Variants in SLC4A4 observed in about 807,000 individuals in gnomAD.
SLC4A4 encodes the protein electrogenic sodium bicarbonate cotransporter 1.
Under a neutral mutation model 111.5 loss-of-function variants are expected in SLC4A4, and 27 were observed. That is an observed-to-expected ratio of 0.24 (90% CI 0.18 to 0.33). The LOEUF (loss-of-function observed/expected upper bound fraction) is 0.33. Among genes scored for constraint, SLC4A4 ranks in the 10% least tolerant of loss-of-function variants. The pLI is 1.00. For missense variants in SLC4A4, 909 were observed against 1,315.5 expected, an observed-to-expected ratio of 0.69 and a Z score of 4.78; for synonymous variants, 443 against 463.4, an observed-to-expected ratio of 0.96 and a Z score of 0.57.
upstream of SLC4A4, among the ~76,000 whole-genome samples, chr4:71,185,600 C>T (rs530470759): frequency 2.0e-5 from 3 of 152,150 alleles, no homozygotes; most frequent in Non-Finnish European, 4.4e-5. Flanking sequence ...GGCGTGTTTC[C>T]TTGTGCCTTC....
intron 5 of SLC4A4, among the ~76,000 whole-genome samples, chr4:71,351,258 C>T (rs57393322): frequency 6.6e-6 from 1 of 152,218 alleles, no homozygotes; most frequent in Non-Finnish European, 1.5e-5. Context: ...CTGTCCCACC[C>T]AGCCTTTCTT....
At chr4:71,119,745 T>C (rs1743365145) in intron 2 of SLC4A4, among the ~76,000 whole-genome samples, 2 of 152,186 alleles carry the variant, frequency 1.3e-5, no homozygotes, top group South Asian at 4.1e-4. Flanking sequence ...TCTTTCTCTT[T>C]TTTCTCCTTA....
chr4:71,404,933 C>T (rs1720705954), intron 7 of SLC4A4, among the ~76,000 whole-genome samples: 1 of 151,796 alleles, frequency 6.6e-6, no homozygotes, highest in South Asian at 2.1e-4. Context: ...ATAGTGGGGA[C>T]TACAGGTGCA....
At chr4:71,375,280 C>T (rs1370396669) in intron 6 of SLC4A4, among the ~76,000 whole-genome samples, 1 of 152,176 alleles carries the variant, frequency 6.6e-6, no homozygotes, top group African/African-American at 2.4e-5. Context: ...CCTCCAAATG[C>T]TTGAGTCTGG....
In SLC4A4 at chr4:71,384,642, CAAAAA is replaced by C. The variant is rs773419796; in HGVS notation, c.731-12919_731-12915del. 9.8e-5 allele frequency among the ~76,000 whole-genome samples: 6 copies of C among 61,450 alleles called. No homozygotes were observed. The East Asian group carries it at 1.2e-3, about 12-fold the overall frequency. The allele number at this position is 61,450 out of a possible 152,430, so 40.3% of individuals were successfully genotyped here. ...CACAGCAAGACTCCGTCCCTCCCACCAAAAAAAAAAAAAAAAAAAATTACCTCATT... is the reference window on the plus strand; with the variant it reads ...CACAGCAAGACTCCGTCCCTCCCACCAAAAAAAAAAAAAAATTACCTCATT... On this transcript the variant is annotated intron_variant, in intron 6 of 25. Coordinates refer to ENST00000264485, the MANE Select transcript of SLC4A4 (RefSeq NM_001098484.3).
chr4:71,427,793 G>A (rs1000883829), intron 7 of SLC4A4, among the ~76,000 whole-genome samples: 1 of 152,082 alleles, frequency 6.6e-6, no homozygotes, highest in African/African-American at 2.4e-5. Flanking sequence ...AAGTGCATAG[G>A]CTTACAACCA....
At chr4:71,173,607 C>T (rs777499170) in intron 2 of SLC4A4, among the ~76,000 whole-genome samples, 4 of 152,106 alleles carry the variant, frequency 2.6e-5, no homozygotes, top group Admixed American at 6.5e-5. Flanking sequence ...AGTCTCCTGA[C>T]CTCGTGATCT....
chr4:71,533,301 T>C (rs982168995), intron 17 of SLC4A4, among the ~76,000 whole-genome samples: 5 of 152,124 alleles, frequency 3.3e-5, no homozygotes, highest in Admixed American at 3.3e-4. Context: ...AATGCATTGA[T>C]GAGTAAGACA....
At chr4:71,306,857 C>T (rs1490103008) in intron 3 of SLC4A4, among the ~76,000 whole-genome samples, 2 of 152,122 alleles carry the variant, frequency 1.3e-5, no homozygotes, top group Admixed American at 6.5e-5. Flanking sequence ...GCTTTTTCTT[C>T]GCCTGCTCTT....
rs562149295 is a variant in SLC4A4 at position 71,435,410 on chromosome 4, A to T, written c.808-5206A>T. On this transcript the variant is annotated intron_variant, in intron 7 of 25. Coordinates refer to ENST00000264485, the MANE Select transcript of SLC4A4 (RefSeq NM_001098484.3). ...TTACACCTTATACAAAAATTAAATC[A>T]AGATGGATTAGAGACTTAAATGTAA... Among the ~76,000 whole-genome samples, 7 of 152,376 alleles carry T rather than the reference A, an allele frequency of 4.6e-5. No individual in the cohort carries two copies. The East Asian group carries it at 1.3e-3, about 29-fold the overall frequency.
chr4:71,532,390 A>T (rs1192805074), intron 17 of SLC4A4, among the ~76,000 whole-genome samples: 2 of 152,164 alleles, frequency 1.3e-5, no homozygotes, highest in African/African-American at 2.4e-5. Flanking sequence ...ACAACTGATA[A>T]TACTATTATA....
chr4:71,083,325 C>T (rs1742046498), intron 1 of SLC4A4, among the ~76,000 whole-genome samples: 1 of 150,884 alleles, frequency 6.6e-6, no homozygotes, highest in Non-Finnish European at 1.5e-5. Context: ...CATGTTCATA[C>T]ATTAGATGTA....
intron 7 of SLC4A4, among the ~76,000 whole-genome samples, chr4:71,430,239 T>C (rs1409760107): frequency 1.3e-5 from 2 of 152,108 alleles, no homozygotes; most frequent in East Asian, 1.9e-4. Flanking sequence ...GGGTGTCTGT[T>C]TTCTACAGTG....
At chr4:71,467,220 C>A (rs1249868961) in intron 13 of SLC4A4, among the ~76,000 whole-genome samples, 1 of 151,978 alleles carries the variant, frequency 6.6e-6, no homozygotes, top group Admixed American at 6.6e-5. Context: ...AGAATGCCTT[C>A]TATTTCCTGC....
rs567679906 is a variant in SLC4A4, at chr4:71,358,511, T to G, written c.730+1324T>G. 2.0e-5 allele frequency among the ~76,000 whole-genome samples: 3 copies of G among 152,308 alleles called. No homozygotes were observed. The East Asian group carries it at 5.8e-4, about 29-fold the overall frequency. Reference sequence around the variant, plus strand: ...AGGTAACTGTTGGCTGGAAAAACACTACAAGCAGATTTTCTGTGGTATATT... The same window carrying G: ...AGGTAACTGTTGGCTGGAAAAACACGACAAGCAGATTTTCTGTGGTATATT... On this transcript the variant is annotated intron_variant, in intron 6 of 25. Transcript: ENST00000264485.
rs1197963520 is a variant in SLC4A4 at position 71,338,704 on chromosome 4, GT to G, written c.254-652del. 2.7e-3 allele frequency among the ~76,000 whole-genome samples: 363 copies of G among 134,180 alleles called. 1 individual carries two copies. Among genetic ancestry groups the G allele is most frequent in the African/African-American group, 6.0e-3 (220 of 36,770 alleles). The allele number at this position is 134,180 out of a possible 152,430, so 88.0% of individuals were successfully genotyped here. A position where few individuals can be genotyped will look rare whatever the true frequency, so the allele number is the denominator to read the frequency against. ...TATGTGCTTGAGTGTGTTGGAAAATGTTTTTTTTTTTTTTCTCTCTCCCTCA... is the reference window on the plus strand; with the variant it reads ...TATGTGCTTGAGTGTGTTGGAAAATGTTTTTTTTTTTTTCTCTCTCCCTCA... On this transcript the variant is annotated intron_variant, in intron 3 of 25. Transcript: ENST00000264485.
At chr4:71,431,078 AGCCCCTCAG>A (rs1723603866) in intron 7 of SLC4A4, among the ~76,000 whole-genome samples, 1 of 152,146 alleles carries the variant, frequency 6.6e-6, no homozygotes. Context: ...GTTTTTCCTC[AGCCCCTCAG>A]GCACTTTTCT....
At chr4:71,479,218 G>A (rs1478120592) in intron 14 of SLC4A4, among the ~76,000 whole-genome samples, 1 of 151,682 alleles carries the variant, frequency 6.6e-6, no homozygotes, top group East Asian at 1.9e-4. Flanking sequence ...GGAACCAAGT[G>A]CATCCCTGTC....
chr4:71,532,813 G>A (rs1385847865), intron 17 of SLC4A4, among the ~76,000 whole-genome samples: 1 of 152,136 alleles, frequency 6.6e-6, no homozygotes, highest in African/African-American at 2.4e-5. Context: ...AAGATGTGAA[G>A]TTAGAACCCA....
Sources: allele counts gnomAD v4.1 joint callset (sites outside exome capture counted in the v4.1 genomes callset), GRCh38; gene constraint gnomAD v4.1.1; transcripts MANE v1.5; gene names NCBI Gene and HGNC (gene_info 2026-07-23, HGNC 2026-07-21).